The following CNTLN variants were observed in gnomAD, a reference collection of about 807,000 sequenced individuals.
CNTLN encodes centlein.
CNTLN carries 212 observed loss-of-function variants against 180.0 expected under a neutral mutation model. The observed-to-expected ratio is 1.18, with a 90% confidence interval of 1.05 to 1.32. CNTLN has a LOEUF of 1.32. Ranked by LOEUF, CNTLN falls within the 40% of genes most tolerant of loss-of-function variation. The pLI is 0.00. For missense variants in CNTLN, 2,095 were observed against 1,610.9 expected, an observed-to-expected ratio of 1.30 and a Z score of -5.14; for synonymous variants, 722 against 563.1, an observed-to-expected ratio of 1.28 and a Z score of -3.99.
chr9:17,467,423 T>C (rs1359149880), intron 23 of CNTLN, among the ~76,000 whole-genome samples: 1 of 151,642 alleles, frequency 6.6e-6, no homozygotes, highest in African/African-American at 2.4e-5. Context: ...TTCATTCCCC[T>C]AGACATAGAA....
In CNTLN at chr9:17,209,526, C is replaced by A. The variant is rs969942304; in HGVS notation, c.450-16677C>A. ...TAATGCTGGAAGTGGGATGTTGAAG[C>A]CTCCAGCTATTCTTGTACTTGGGCC... On this transcript the variant is annotated intron_variant, in intron 2 of 25. Transcript: ENST00000380647. 2.6e-5 allele frequency among the ~76,000 whole-genome samples: 4 copies of A among 152,160 alleles called. No individual in the cohort carries two copies. The South Asian group carries it at 8.3e-4, about 32-fold the overall frequency.
At chr9:17,292,117 A>C (rs1587527300) in intron 6 of CNTLN, among the ~76,000 whole-genome samples, 1 of 152,298 alleles carries the variant, frequency 6.6e-6, no homozygotes, top group South Asian at 2.1e-4. Context: ...AAGAATATTG[A>C]ATAATGGCCC....
At chr9:17,421,608 T>G (rs1828731311) in intron 18 of CNTLN, among the ~76,000 whole-genome samples, 1 of 152,140 alleles carries the variant, frequency 6.6e-6, no homozygotes, top group South Asian at 2.1e-4. Flanking sequence ...ACTGCCATTT[T>G]GTTATTTATT....
the CNTLN span, among the ~76,000 whole-genome samples, chr9:17,512,272 A>T: frequency 3.3e-5 from 5 of 152,364 alleles, no homozygotes; most frequent in African/African-American, 1.2e-4. Flanking sequence ...CCTGAAATCT[A>T]CATACCGTAT....
At chr9:17,263,620 T>C (rs1827179859) in intron 5 of CNTLN, among the ~76,000 whole-genome samples, 2 of 147,208 alleles carry the variant, frequency 1.4e-5, no homozygotes, top group South Asian at 4.7e-4. Context: ...ATTGCCACAC[T>C]GACTTCCACA....
At chr9:17,316,151 C>G (rs1229719899) in intron 8 of CNTLN, among the ~76,000 whole-genome samples, 1 of 151,622 alleles carries the variant, frequency 6.6e-6, no homozygotes, top group African/African-American at 2.4e-5. Flanking sequence ...TAATTGTTAT[C>G]TCTTTTTGAT....
At chr9:17,504,644 G>T (rs1024355746), downstream of CNTLN, among the ~76,000 whole-genome samples, 3 of 152,216 alleles carry the variant, frequency 2.0e-5, no homozygotes, top group African/African-American at 7.2e-5. Flanking sequence ...TTATGAGAGG[G>T]AGGTAGGAAG....
chr9:17,350,848 C>A (rs985867793), intron 12 of CNTLN, among the ~76,000 whole-genome samples: 1 of 152,138 alleles, frequency 6.6e-6, no homozygotes, highest in African/African-American at 2.4e-5. Flanking sequence ...AGAGTTTCAG[C>A]TGAGTTCAAA....
chr9:17,483,390 G>A (rs1243886620), intron 23 of CNTLN, among the ~76,000 whole-genome samples: 1 of 152,104 alleles, frequency 6.6e-6, no homozygotes, highest in South Asian at 2.1e-4. Context: ...GGAGAACAGG[G>A]ATAGAATTAA....
chr9:17,267,494 G>T (rs1267655691), intron 5 of CNTLN, among the ~76,000 whole-genome samples: 9 of 151,884 alleles, frequency 5.9e-5, no homozygotes, highest in Admixed American at 1.3e-4. Context: ...TTTCAACTTT[G>T]GTGAATCTGA....
intron 13 of CNTLN, among the ~76,000 whole-genome samples, chr9:17,373,620 G>GA (rs1824510382): frequency 6.6e-6 from 1 of 151,934 alleles, no homozygotes; most frequent in African/African-American, 2.4e-5. Flanking sequence ...CACAGAAACA[G>GA]AAAAAACAAT....
At chr9:17,427,185 T>A (rs1042785324) in intron 18 of CNTLN, among the ~76,000 whole-genome samples, 9 of 152,062 alleles carry the variant, frequency 5.9e-5, no homozygotes. Flanking sequence ...GTGATTTCCA[T>A]GCAGCAGGTG....
chr9:17,412,798 T>C (rs1256144219), intron 16 of CNTLN, among the ~76,000 whole-genome samples: 1 of 152,192 alleles, frequency 6.6e-6, no homozygotes, highest in Non-Finnish European at 1.5e-5. Flanking sequence ...GAGGCATCTG[T>C]ATATGACACG....
Position 17,331,851 on chromosome 9 carries a change from C to G in CNTLN, c.1519-754C>G, listed in dbSNP as rs916642800. 4.6e-5 allele frequency among the ~76,000 whole-genome samples: 7 copies of G among 151,908 alleles called. No homozygotes were observed. The East Asian group carries it at 1.3e-3, about 29-fold the overall frequency. On this transcript the variant is annotated intron_variant, in intron 9 of 25. Transcript: ENST00000380647. ...AAATTGAAATACAGCATTACCGGGC[C>G]TAATTTGGTTGCTTGCTCGATTGCT...
chr9:17,253,167 A>C (rs190304151), intron 5 of CNTLN, among the ~76,000 whole-genome samples: 92 of 151,762 alleles, frequency 6.1e-4, no homozygotes, highest in Admixed American at 9.9e-4. Flanking sequence ...GTTTCAGTTA[A>C]TATATCCTTG....
intron 12 of CNTLN, among the ~76,000 whole-genome samples, chr9:17,359,725 C>CAAAAAA (rs1176814681): frequency 6.1e-4 from 13 of 21,330 alleles, no homozygotes; most frequent in African/African-American, 9.9e-4. Flanking sequence ...ACTAAAAATA[C>CAAAAAA]AAAAAAAAAA....
At chr9:17,384,476 G>A (rs562216496) in intron 13 of CNTLN, among the ~76,000 whole-genome samples, 2 of 152,200 alleles carry the variant, frequency 1.3e-5, no homozygotes, top group East Asian at 3.9e-4. Context: ...AACTCAAAGG[G>A]GATGGTCTGG....
chr9:17,456,848 T>C (rs538764202), intron 18 of CNTLN, among the ~76,000 whole-genome samples: 2 of 152,288 alleles, frequency 1.3e-5, no homozygotes, highest in South Asian at 4.1e-4. Flanking sequence ...TGGGTTTCTT[T>C]TATACTCCTT....
chr9:17,223,550 T>G (rs1330209907), intron 2 of CNTLN, among the ~76,000 whole-genome samples: 3 of 152,032 alleles, frequency 2.0e-5, no homozygotes, highest in Admixed American at 6.6e-5. Flanking sequence ...CACTTTTCTA[T>G]CAAGAAATCC....
Sources: gnomAD v4.1 joint callset for allele counts (sites outside exome capture counted in the v4.1 genomes callset) on GRCh38, gnomAD v4.1.1 for gene constraint, MANE v1.5 for transcripts, NCBI Gene and HGNC (gene_info 2026-07-23, HGNC 2026-07-21) for gene names.